Variants in INO80 observed in about 807,000 individuals in gnomAD.
The protein encoded by INO80 is chromatin-remodeling ATPase INO80.
In INO80, 20 loss-of-function variants were observed where a neutral mutation model predicts 203.4. The ratio of observed to expected loss-of-function variants is 0.10; its 90% CI spans 0.07 to 0.14. The LOEUF (loss-of-function observed/expected upper bound fraction) is 0.14. Among genes scored for constraint, INO80 ranks in the 10% least tolerant of loss-of-function variants. The probability of loss-of-function intolerance (pLI) is 1.00; values close to 1 mark genes in which losing one functional copy is unlikely to be tolerated. For synonymous variants in INO80, 726 were observed against 685.2 expected (o/e 1.06, Z -0.93); for missense variants, 1,419 against 1,914.4 (o/e 0.74, Z 4.83).
intron 1 of INO80, among the ~76,000 whole-genome samples, chr15:41,113,277 T>C (rs2045982751): frequency 6.7e-6 from 1 of 150,324 alleles, no homozygotes; most frequent in Non-Finnish European, 1.5e-5. Context: ...TTTGTTTTGT[T>C]TTTTTGAGAC....
rs1332267013 is a variant in INO80, at chr15:41,088,592, G to T, written c.538-910C>A. On this transcript the variant is annotated intron_variant, in intron 5 of 35. Coordinates refer to ENST00000648947, the MANE Select transcript of INO80 (RefSeq NM_017553.3). Reference sequence around the variant, plus strand: ...CGTAACTCTTTCCATCCAGGAAGTGGTAAGTAAATGCTTCCAAATATTTCA... The same window carrying T: ...CGTAACTCTTTCCATCCAGGAAGTGTTAAGTAAATGCTTCCAAATATTTCA... Among the ~76,000 whole-genome samples, 5 of 152,046 alleles carry T rather than the reference G, an allele frequency of 3.3e-5. No homozygotes were observed. The East Asian group carries it at 9.6e-4, about 29-fold the overall frequency.
At chr15:41,056,803 A>G (rs1002171438) in intron 16 of INO80, 97 bp from the exon 17 acceptor site, 26 of 917,200 alleles carry the variant, frequency 2.8e-5, no homozygotes, top group African/African-American at 2.1e-4. Context: ...CTTCCAAAAA[A>G]CTAACATTCA....
intron 27 of INO80, among the ~76,000 whole-genome samples, chr15:41,006,754 A>G (rs1047171935): frequency 1.3e-5 from 2 of 152,232 alleles, no homozygotes; most frequent in African/African-American, 4.8e-5. Flanking sequence ...CAAAGTAGAC[A>G]AGCTCATTGA....
chr15:40,992,711 G>A (rs1358941264), intron 29 of INO80, among the ~76,000 whole-genome samples: 1 of 152,194 alleles, frequency 6.6e-6, no homozygotes, highest in East Asian at 1.9e-4. Context: ...AGGAGCTTCT[G>A]ATTTACAAGT....
At chr15:41,112,641 A>G (rs1290762863) in intron 1 of INO80, among the ~76,000 whole-genome samples, 6 of 151,902 alleles carry the variant, frequency 3.9e-5, no homozygotes. Context: ...TACAAAAATT[A>G]GCCAGGCGTG....
At chr15:41,091,717 T>G (rs1355171863) in intron 5 of INO80, among the ~76,000 whole-genome samples, 13 of 146,850 alleles carry the variant, frequency 8.9e-5, no homozygotes, top group Non-Finnish European at 1.6e-4. Context: ...TGCAGTGCTG[T>G]GATCTCGGCT....
At chr15:41,025,250 A>G (rs1336481923) in intron 25 of INO80, among the ~76,000 whole-genome samples, 1 of 152,224 alleles carries the variant, frequency 6.6e-6, no homozygotes, top group Non-Finnish European at 1.5e-5. Flanking sequence ...TCTAAAAACA[A>G]TACTGAAGTA....
chr15:41,107,591 G>A (rs2045899030), intron 1 of INO80, among the ~76,000 whole-genome samples: 1 of 150,930 alleles, frequency 6.6e-6, no homozygotes, highest in Non-Finnish European at 1.5e-5. Flanking sequence ...TTTGAGGTCA[G>A]GAGTTCGAGG....
chr15:41,018,350 A>T (rs2044241418), intron 26 of INO80: 1 of 152,220 alleles, frequency 6.6e-6, no homozygotes, highest in Non-Finnish European at 1.5e-5. Flanking sequence ...TCCCACATCT[A>T]CTTTACTTTG....
At chr15:41,042,766 G>A (rs1241836020) in intron 24 of INO80, among the ~76,000 whole-genome samples, 2 of 152,126 alleles carry the variant, frequency 1.3e-5, no homozygotes, top group East Asian at 1.9e-4. Context: ...GAGCCACCAC[G>A]CCCGGCTGAC....
At chr15:41,038,556 C>T (rs746668518) in intron 24 of INO80, among the ~76,000 whole-genome samples, 5 of 152,126 alleles carry the variant, frequency 3.3e-5, no homozygotes, top group South Asian at 2.1e-4. Context: ...TTGCTTTAAA[C>T]TTGATATGGA....
chr15:41,098,867 T>C (rs987819586), intron 1 of INO80, among the ~76,000 whole-genome samples: 1 of 152,006 alleles, frequency 6.6e-6, no homozygotes, highest in African/African-American at 2.4e-5. Flanking sequence ...CAAAGATGTA[T>C]GACTAGCTAA....
At chr15:41,043,915 T>C (rs1355765357) in intron 24 of INO80, among the ~76,000 whole-genome samples, 1 of 152,168 alleles carries the variant, frequency 6.6e-6, no homozygotes, top group Non-Finnish European at 1.5e-5. Context: ...GTACACAACA[T>C]CATTACTTTT....
At position 41,055,372 on chromosome 15, in the gene INO80, C is replaced by T; in HGVS notation, c.2071-8G>A. 1 of 1,574,170 alleles carries T rather than the reference C, an allele frequency of 6.4e-7. No individual in the cohort carries two copies. Among genetic ancestry groups the T allele is most frequent in the Non-Finnish European group, 8.7e-7 (1 of 1,148,882 alleles). On this transcript the variant is annotated splice_polypyrimidine_tract_variant and splice_region_variant and intron_variant, in intron 17 of 35. Transcript: ENST00000648947. ...ATGCAGCAGAGCCCAAAGCTGTAAACAAAGACAAAAATGAAATAGCTATAG... is the reference window on the plus strand; with the variant it reads ...ATGCAGCAGAGCCCAAAGCTGTAAATAAAGACAAAAATGAAATAGCTATAG...
chr15:41,086,557 A>G (rs1384682773), intron 6 of INO80, among the ~76,000 whole-genome samples: 2 of 151,902 alleles, frequency 1.3e-5, no homozygotes, highest in Non-Finnish European at 2.9e-5. Context: ...AGGCTGAGGC[A>G]TGAGAATTGC....
intron 1 of INO80, among the ~76,000 whole-genome samples, chr15:41,098,992 T>C (rs1227665091): frequency 1.3e-5 from 2 of 151,358 alleles, no homozygotes; most frequent in East Asian, 2.0e-4. Context: ...TCACCTATAA[T>C]CTCAACATTT....
At chr15:41,026,401 A>T (rs558636863) in intron 25 of INO80, among the ~76,000 whole-genome samples, 3 of 152,004 alleles carry the variant, frequency 2.0e-5, no homozygotes, top group Non-Finnish European at 4.4e-5. Context: ...AAAAATTTAA[A>T]AAGTAGCCAG....
chr15:41,106,571 G>A (rs1261655480), intron 1 of INO80, among the ~76,000 whole-genome samples: 1 of 149,938 alleles, frequency 6.7e-6, no homozygotes, highest in Non-Finnish European at 1.5e-5. Context: ...GAAGGTCATG[G>A]CTGCAGTGAG....
At chr15:41,083,092 C>G (rs1469405347) in intron 7 of INO80, among the ~76,000 whole-genome samples, 1 of 151,800 alleles carries the variant, frequency 6.6e-6, no homozygotes, top group East Asian at 1.9e-4. Context: ...ACCAGCCTGG[C>G]TAATAGGGTG....
Sources: gnomAD v4.1 joint callset for allele counts (sites outside exome capture counted in the v4.1 genomes callset) on GRCh38, gnomAD v4.1.1 for gene constraint, MANE v1.5 for transcripts, NCBI Gene and HGNC (gene_info 2026-07-23, HGNC 2026-07-21) for gene names.